Variants in SNTG1 observed in about 807,000 individuals in gnomAD.
SNTG1 encodes gamma-1-syntrophin.
Under a neutral mutation model 74.7 loss-of-function variants are expected in SNTG1, and 39 were observed. The ratio of observed to expected loss-of-function variants is 0.52; its 90% CI spans 0.40 to 0.68. The LOEUF is 0.68. Ranked by LOEUF, SNTG1 falls within the 30% of genes least tolerant of loss-of-function variation. The pLI, the probability that SNTG1 is intolerant of heterozygous loss-of-function variation, is 0.00. For synonymous variants in SNTG1, 254 were observed against 217.1 expected (o/e 1.17, Z -1.49); for missense variants, 685 against 609.5 (o/e 1.12, Z -1.30).
At chr8:50,615,496 T>C (rs1336898804) in intron 13 of SNTG1, among the ~76,000 whole-genome samples, 3 of 152,142 alleles carry the variant, frequency 2.0e-5, no homozygotes, top group Non-Finnish European at 2.9e-5. Context: ...CATAACCGAA[T>C]ACAGAGACAG....
At chr8:50,764,622 A>G (rs2095608942) in intron 18 of SNTG1, among the ~76,000 whole-genome samples, 1 of 151,944 alleles carries the variant, frequency 6.6e-6, no homozygotes, top group Admixed American at 6.6e-5. Flanking sequence ...AAGGTGAAAG[A>G]TAAGTGTTGG....
At chr8:50,463,956 T>C (rs1173719706) in intron 8 of SNTG1, among the ~76,000 whole-genome samples, 1 of 152,218 alleles carries the variant, frequency 6.6e-6, no homozygotes, top group Non-Finnish European at 1.5e-5. Flanking sequence ...AACTTCTCTA[T>C]CAGCACTTAC....
intron 2 of SNTG1, among the ~76,000 whole-genome samples, chr8:50,329,259 A>T (rs1206190341): frequency 6.6e-6 from 1 of 152,154 alleles, no homozygotes; most frequent in Non-Finnish European, 1.5e-5. Flanking sequence ...TATGGAGGAC[A>T]GTGGCCCCCT....
intron 2 of SNTG1, among the ~76,000 whole-genome samples, chr8:50,200,048 T>A (rs1037484487): frequency 3.9e-5 from 6 of 152,176 alleles, no homozygotes; most frequent in Admixed American, 1.3e-4. Flanking sequence ...CTTACCTTCA[T>A]GTGCCTACCT....
intron 13 of SNTG1, among the ~76,000 whole-genome samples, chr8:50,627,878 C>T (rs1376298307): frequency 6.6e-6 from 1 of 152,152 alleles, no homozygotes; most frequent in Non-Finnish European, 1.5e-5. Flanking sequence ...GAAGCCTGTT[C>T]TTTTGAGTTC....
chr8:50,702,169 T>C (rs1424394603), intron 15 of SNTG1, among the ~76,000 whole-genome samples: 2 of 152,118 alleles, frequency 1.3e-5, no homozygotes, highest in Non-Finnish European at 2.9e-5. Flanking sequence ...TTTTTTATAA[T>C]GGCATTTACA....
chr8:50,037,144 T>C (rs1818235370), intron 1 of SNTG1, among the ~76,000 whole-genome samples: 1 of 152,260 alleles, frequency 6.6e-6, no homozygotes, highest in Admixed American at 6.5e-5. Context: ...ATTCTCTAAG[T>C]TTAGAAAATC....
intron 1 of SNTG1, among the ~76,000 whole-genome samples, chr8:50,033,132 T>G (rs1450755754): frequency 1.3e-5 from 2 of 152,062 alleles, no homozygotes; most frequent in East Asian, 3.9e-4. Flanking sequence ...TTTTTTTTTT[T>G]GAGACGGAGT....
chr8:50,529,428 A>T (rs1471275399), intron 9 of SNTG1, among the ~76,000 whole-genome samples: 2 of 152,012 alleles, frequency 1.3e-5, no homozygotes, highest in East Asian at 3.9e-4. Flanking sequence ...TTTGAAATCA[A>T]GTATAATATT....
At chr8:50,023,055 T>A (rs1469722946) in intron 1 of SNTG1, among the ~76,000 whole-genome samples, 1 of 152,178 alleles carries the variant, frequency 6.6e-6, no homozygotes, top group Non-Finnish European at 1.5e-5. Context: ...TCAACACCAG[T>A]CTGAGAAATC....
At chr8:50,700,394 T>A (rs1206287095) in intron 15 of SNTG1, among the ~76,000 whole-genome samples, 2 of 152,164 alleles carry the variant, frequency 1.3e-5, no homozygotes, top group African/African-American at 4.8e-5. Flanking sequence ...TGAAAGTAGA[T>A]CTTTAAAATG....
At chr8:50,445,757 A>C (rs2093400958) in intron 5 of SNTG1, among the ~76,000 whole-genome samples, 1 of 152,210 alleles carries the variant, frequency 6.6e-6, no homozygotes, top group Admixed American at 6.5e-5. Flanking sequence ...GTCATGAGCC[A>C]CAGTCCCGCC....
At chr8:50,684,863 A>G (rs2095345794) in intron 15 of SNTG1, among the ~76,000 whole-genome samples, 1 of 148,430 alleles carries the variant, frequency 6.7e-6, no homozygotes, top group African/African-American at 2.5e-5. Flanking sequence ...CATTAGGCGT[A>G]TCTCCCAATG....
chr8:50,067,267 G>C (rs1434372251), intron 1 of SNTG1, among the ~76,000 whole-genome samples: 1 of 151,736 alleles, frequency 6.6e-6, no homozygotes, highest in Non-Finnish European at 1.5e-5. Context: ...TTTTTTACCA[G>C]TTTATTTCAA....
chr8:50,643,950 C>T (rs2095090491), intron 13 of SNTG1: 1 of 152,210 alleles, frequency 6.6e-6, no homozygotes, highest in African/African-American at 2.4e-5. Context: ...AATGGTGCTC[C>T]TGAATGGGGA....
At chr8:49,913,901 T>C (rs1296401031) in intron 1 of SNTG1, among the ~76,000 whole-genome samples, 2 of 152,254 alleles carry the variant, frequency 1.3e-5, no homozygotes, top group Admixed American at 1.3e-4. Flanking sequence ...TGGCCGCAGT[T>C]CCCTCCTCAG....
intron 1 of SNTG1, among the ~76,000 whole-genome samples, chr8:49,976,272 T>TC (rs1812183992): frequency 1.3e-5 from 2 of 152,224 alleles, no homozygotes; most frequent in Non-Finnish European, 2.9e-5. Flanking sequence ...TTTTGTTTCA[T>TC]AAAGTGATAT....
intron 18 of SNTG1, among the ~76,000 whole-genome samples, chr8:50,778,768 A>G (rs1219066866): frequency 1.3e-5 from 2 of 150,446 alleles, no homozygotes; most frequent in Non-Finnish European, 2.9e-5. Context: ...TTAGACATGA[A>G]GTCCTTGCCC....
intron 3 of SNTG1, among the ~76,000 whole-genome samples, chr8:50,397,969 A>G (rs1293759984): frequency 6.6e-6 from 1 of 152,202 alleles, no homozygotes; most frequent in Non-Finnish European, 1.5e-5. Flanking sequence ...TTAAACAACA[A>G]ATAAATGAAA....
Sources: gnomAD v4.1 joint callset for allele counts (sites outside exome capture counted in the v4.1 genomes callset) on GRCh38, gnomAD v4.1.1 for gene constraint, MANE v1.5 for transcripts, NCBI Gene and HGNC (gene_info 2026-07-23, HGNC 2026-07-21) for gene names.